Variants in ZFAT observed in about 807,000 individuals in gnomAD.
The protein encoded by ZFAT is zinc finger protein ZFAT.
ZFAT carries 64 observed loss-of-function variants against 117.7 expected under a neutral mutation model. The observed-to-expected ratio is 0.54, with a 90% confidence interval of 0.44 to 0.67. The LOEUF is 0.67. ZFAT is among the 30% of genes least tolerant of loss of function. The pLI, the probability that ZFAT is intolerant of heterozygous loss-of-function variation, is 0.00. For synonymous variants in ZFAT, 679 were observed against 615.0 expected (o/e 1.10, Z -1.54); for missense variants, 1,433 against 1,584.5 (o/e 0.90, Z 1.62).
At chr8:134,586,132 C>A (rs544353991) in intron 9 of ZFAT, among the ~76,000 whole-genome samples, 1 of 152,194 alleles carries the variant, frequency 6.6e-6, no homozygotes, top group East Asian at 1.9e-4. Flanking sequence ...TTTGTGATTC[C>A]TTCATTACAG....
chr8:134,744,513 C>T, the ZFAT span, among the ~76,000 whole-genome samples: 3 of 151,496 alleles, frequency 2.0e-5, no homozygotes, highest in East Asian at 5.9e-4. Flanking sequence ...CCAGGCTGGT[C>T]TCAAACTCCT....
chr8:134,708,617 T>C (rs1813872057), intron 1 of ZFAT, among the ~76,000 whole-genome samples: 1 of 152,138 alleles, frequency 6.6e-6, no homozygotes, highest in Non-Finnish European at 1.5e-5. Context: ...ATGTTTAAAA[T>C]GTCTATTTTG....
rs183672003 is a variant in ZFAT at position 134,664,108 on chromosome 8, G to A, written c.20-6371C>T. On this transcript the variant is annotated intron_variant, in intron 1 of 15. Coordinates refer to ENST00000377838, the MANE Select transcript of ZFAT (RefSeq NM_020863.4). ...TCATGGAAGGGGCTCCCAGACTCCA[G>A]AATGCATCAGGCATGGGCTCTACCC... is the stretch of plus-strand genomic sequence containing the variant. Among the ~76,000 whole-genome samples, 158 of 152,218 alleles carry A rather than the reference G, an allele frequency of 1.0e-3. 1 individual carries two copies. Among genetic ancestry groups the A allele is most frequent in the African/African-American group, 3.6e-3 (150 of 41,520 alleles).
intron 15 of ZFAT, among the ~76,000 whole-genome samples, chr8:134,498,403 T>C (rs1372182613): frequency 1.9e-5 from 1 of 53,676 alleles, no homozygotes; most frequent in East Asian, 9.2e-4. Flanking sequence ...GATGCCCCCG[T>C]TGCTGGTTAC....
In ZFAT at chr8:134,493,750, C is replaced by T. The variant is rs962856101; in HGVS notation, c.3493-15029G>A. 5.3e-5 allele frequency among the ~76,000 whole-genome samples: 8 copies of T among 152,178 alleles called. No homozygotes were observed. In the East Asian group the frequency reaches 5.8e-4, roughly 11 times the overall value. Reference sequence around the variant, plus strand: ...ACGGTCTGCTGCCCCCTTCCCTCCCCGGCTGAGCCAAGCTCCCATGCACTT... The same window carrying T: ...ACGGTCTGCTGCCCCCTTCCCTCCCTGGCTGAGCCAAGCTCCCATGCACTT... On this transcript the variant is annotated intron_variant, in intron 15 of 15. Coordinates refer to ENST00000377838, the MANE Select transcript of ZFAT (RefSeq NM_020863.4).
the ZFAT span, among the ~76,000 whole-genome samples, chr8:134,806,107 C>T: frequency 5.9e-5 from 9 of 152,262 alleles, no homozygotes; most frequent in African/African-American, 1.7e-4. Context: ...AATGAACATA[C>T]ATACATACAT....
the ZFAT span, among the ~76,000 whole-genome samples, chr8:134,801,849 A>G: frequency 2.0e-5 from 3 of 152,214 alleles, no homozygotes; most frequent in East Asian, 5.8e-4. Flanking sequence ...AATATCTAGC[A>G]GGAAAAGAAT....
the ZFAT span, among the ~76,000 whole-genome samples, chr8:134,769,900 C>T: frequency 6.6e-6 from 1 of 152,266 alleles, no homozygotes; most frequent in Non-Finnish European, 1.5e-5. Context: ...CTTGCACCCT[C>T]TGAAGCCACA....
chr8:134,713,907 C>T (rs1266352097), upstream of ZFAT, among the ~76,000 whole-genome samples: 5 of 151,610 alleles, frequency 3.3e-5, no homozygotes, highest in African/African-American at 9.7e-5. Context: ...ATGGTCACCC[C>T]GTTAGCCTCA....
At chr8:134,755,247 A>C in the ZFAT span, among the ~76,000 whole-genome samples, 1 of 113,446 alleles carries the variant, frequency 8.8e-6, no homozygotes, top group African/African-American at 3.1e-5. Context: ...CTACTAAAAT[A>C]CAAAAAAAAA....
At chr8:134,636,199 G>A (rs374760016) in intron 3 of ZFAT, among the ~76,000 whole-genome samples, 5 of 152,214 alleles carry the variant, frequency 3.3e-5, no homozygotes, top group African/African-American at 1.2e-4. Context: ...AGGCATTTAT[G>A]GTGAGGAATT....
intron 10 of ZFAT, among the ~76,000 whole-genome samples, chr8:134,579,719 G>C (rs574906712): frequency 6.6e-6 from 1 of 152,136 alleles, no homozygotes. Context: ...GGGAGGCCAC[G>C]GCAGACAGAT....
intron 11 of ZFAT, among the ~76,000 whole-genome samples, chr8:134,550,280 C>T (rs1333276187): frequency 8.0e-6 from 1 of 125,668 alleles, no homozygotes; most frequent in African/African-American, 3.0e-5. Context: ...GAAGCTGGGA[C>T]TTACATTCCA....
At chr8:134,668,867 C>T (rs1306751180) in intron 1 of ZFAT, among the ~76,000 whole-genome samples, 4 of 152,132 alleles carry the variant, frequency 2.6e-5, no homozygotes, top group Non-Finnish European at 5.9e-5. Flanking sequence ...AAAGATTAGA[C>T]GAATGCCTAA....
the ZFAT span, among the ~76,000 whole-genome samples, chr8:134,787,774 T>G: frequency 6.6e-6 from 1 of 151,924 alleles, no homozygotes; most frequent in African/African-American, 2.4e-5. Context: ...TTCCAAGTCA[T>G]GAACATGGTA....
chr8:134,528,216 G>T (rs1254447712), intron 12 of ZFAT, among the ~76,000 whole-genome samples: 2 of 152,240 alleles, frequency 1.3e-5, no homozygotes, highest in Non-Finnish European at 2.9e-5. Flanking sequence ...TGCTTGCTTG[G>T]TGTGACCTGA....
At chr8:134,516,681 A>T (rs9324515) in intron 13 of ZFAT, among the ~76,000 whole-genome samples, 51,432 of 151,784 alleles carry the variant, frequency 0.34, 9,835 homozygotes, top group African/African-American at 0.53. Flanking sequence ...TTTTTAAAAA[A>T]TTTCAAAAAA....
At chr8:134,703,832 A>G (rs960657766) in intron 1 of ZFAT, among the ~76,000 whole-genome samples, 1 of 152,196 alleles carries the variant, frequency 6.6e-6, no homozygotes, top group Non-Finnish European at 1.5e-5. Context: ...ATTAAAAGTG[A>G]TAAAATGTTC....
chr8:134,626,334 C>T (rs1346511733), intron 3 of ZFAT, among the ~76,000 whole-genome samples: 1 of 152,214 alleles, frequency 6.6e-6, no homozygotes, highest in African/African-American at 2.4e-5. Context: ...AGAGCTTGAG[C>T]TGGAAAGTCC....
Sources: allele counts gnomAD v4.1 joint callset (sites outside exome capture counted in the v4.1 genomes callset), GRCh38; gene constraint gnomAD v4.1.1; transcripts MANE v1.5; gene names NCBI Gene and HGNC (gene_info 2026-07-23, HGNC 2026-07-21).